CNTN4: variants seen among roughly 807,000 people sequenced by gnomAD.
CNTN4 encodes the protein contactin 4, also known as contactin-4.
Under a neutral mutation model 122.5 loss-of-function variants are expected in CNTN4, and 77 were observed. The observed-to-expected ratio is 0.63, with a 90% CI of 0.52 to 0.76. The LOEUF (loss-of-function observed/expected upper bound fraction) is 0.76. Among genes scored for constraint, CNTN4 ranks in the 30% least tolerant of loss-of-function variants. The pLI, the probability that CNTN4 is intolerant of heterozygous loss-of-function variation, is 0.00. For missense variants in CNTN4, 1,256 were observed against 1,259.1 expected (o/e 1.00, Z 0.04); for synonymous variants, 512 against 447.0 (o/e 1.15, Z -1.83).
intron 4 of CNTN4, among the ~76,000 whole-genome samples, chr3:2,625,415 G>T (rs924588913): frequency 3.9e-5 from 6 of 152,308 alleles, no homozygotes; most frequent in Admixed American, 3.3e-4. Context: ...CTTAATGACA[G>T]TTTAAGCCAA....
chr3:2,798,694 A>G (rs2092271928), intron 6 of CNTN4, among the ~76,000 whole-genome samples: 1 of 152,098 alleles, frequency 6.6e-6, no homozygotes, highest in African/African-American at 2.4e-5. Context: ...TATTTTTAGT[A>G]GAGATGCGGC....
At chr3:2,193,444 A>C (rs1404653597) in intron 2 of CNTN4, among the ~76,000 whole-genome samples, 1 of 152,140 alleles carries the variant, frequency 6.6e-6, no homozygotes, top group Non-Finnish European at 1.5e-5. Context: ...TATCACTATA[A>C]TGGAAGAAAA....
intron 7 of CNTN4, among the ~76,000 whole-genome samples, chr3:2,820,349 A>G (rs2092834744): frequency 6.6e-6 from 1 of 152,242 alleles, no homozygotes. Context: ...CCCGATAAAC[A>G]TATAGAGAGA....
intron 2 of CNTN4, among the ~76,000 whole-genome samples, chr3:2,108,387 G>C (rs773861090): frequency 2.0e-5 from 3 of 152,114 alleles, no homozygotes; most frequent in Admixed American, 6.5e-5. Context: ...TCTGTCATGA[G>C]AATGACCATC....
At chr3:2,274,507 GT>G (rs1341564467) in intron 2 of CNTN4, among the ~76,000 whole-genome samples, 1 of 118,840 alleles carries the variant, frequency 8.4e-6, no homozygotes, top group Non-Finnish European at 1.9e-5. Context: ...AAGAAACACT[GT>G]TCCTTATTTG....
chr3:2,861,543 T>C (rs891897326), intron 7 of CNTN4, among the ~76,000 whole-genome samples: 10 of 152,228 alleles, frequency 6.6e-5, no homozygotes, highest in Non-Finnish European at 1.5e-4. Context: ...AGGATACATA[T>C]TGATAAAACT....
At chr3:2,564,606 GA>G (rs1206086885) in intron 3 of CNTN4, among the ~76,000 whole-genome samples, 1 of 152,096 alleles carries the variant, frequency 6.6e-6, no homozygotes, top group African/African-American at 2.4e-5. Flanking sequence ...TTCTATTCAT[GA>G]GGAAACTTGT....
chr3:2,447,051 A>T (rs2151324597), intron 3 of CNTN4, among the ~76,000 whole-genome samples: 1 of 152,336 alleles, frequency 6.6e-6, no homozygotes, highest in African/African-American at 2.4e-5. Flanking sequence ...TTAAGAAAAA[A>T]TTATGGGAGT....
intron 4 of CNTN4, among the ~76,000 whole-genome samples, chr3:2,682,525 C>A (rs1576445662): frequency 6.6e-6 from 1 of 152,088 alleles, no homozygotes; most frequent in Admixed American, 6.6e-5. Flanking sequence ...AGTTTACAGA[C>A]CCCCACTTCA....
chr3:2,403,870 C>A (rs939287220), intron 3 of CNTN4, among the ~76,000 whole-genome samples: 2 of 152,130 alleles, frequency 1.3e-5, no homozygotes, highest in Non-Finnish European at 2.9e-5. Context: ...ACCTAGAATT[C>A]TTTCTGCTCT....
At chr3:2,590,572 C>T (rs2080423237) in intron 4 of CNTN4, among the ~76,000 whole-genome samples, 1 of 151,930 alleles carries the variant, frequency 6.6e-6, no homozygotes, top group African/African-American at 2.4e-5. Context: ...CTTTTCAAGG[C>T]ATATAATGTC....
intron 4 of CNTN4, among the ~76,000 whole-genome samples, chr3:2,716,596 A>C (rs991802141): frequency 1.3e-4 from 20 of 152,156 alleles, no homozygotes; most frequent in Middle Eastern, 3.2e-3. Context: ...TATTATTTTT[A>C]TTGGAGAAGA....
At chr3:2,230,966 C>A (rs538721549) in intron 2 of CNTN4, among the ~76,000 whole-genome samples, 1 of 151,772 alleles carries the variant, frequency 6.6e-6, no homozygotes, top group African/African-American at 2.4e-5. Context: ...CCAGCCTGGG[C>A]GACAAAGCGA....
chr3:3,027,808 A>C (rs969772517), intron 15 of CNTN4, among the ~76,000 whole-genome samples: 3 of 152,202 alleles, frequency 2.0e-5, no homozygotes, highest in Admixed American at 2.0e-4. Context: ...TTATGCCAGA[A>C]TGGTGCCAGG....
At chr3:2,237,055 G>C (rs989239635) in intron 2 of CNTN4, among the ~76,000 whole-genome samples, 9 of 152,162 alleles carry the variant, frequency 5.9e-5, no homozygotes, top group African/African-American at 1.4e-4. Context: ...ACAGTGCAGG[G>C]ATTTGTAGGC....
chr3:2,630,439 A>C (rs2082379587), intron 4 of CNTN4, among the ~76,000 whole-genome samples: 1 of 152,204 alleles, frequency 6.6e-6, no homozygotes, highest in Admixed American at 6.5e-5. Flanking sequence ...ACCCTGTCTC[A>C]AAACAAAGAA....
rs189364151 is a variant in CNTN4, at chr3:2,505,441, A to G, written c.-88-65975A>G. ...TGATCAAGTTCAAATGGAATGTTCT[A>G]TAGTCCTATCCAAACTTAATTACAT... On this transcript the variant is annotated intron_variant, in intron 3 of 24. Transcript: ENST00000418658. 7.0e-4 allele frequency among the ~76,000 whole-genome samples: 106 copies of G among 152,348 alleles called. 3 individuals are homozygous for G. In the East Asian group the frequency reaches 0.015, roughly 22 times the overall value.
intron 6 of CNTN4, among the ~76,000 whole-genome samples, chr3:2,809,104 C>G (rs1011202): frequency 0.58 from 87,530 of 152,108 alleles, 25,856 homozygotes; most frequent in African/African-American, 0.72. Flanking sequence ...TTTGGGGAGG[C>G]AATGGAGACA....
chr3:2,728,949 C>T (rs2088437795), intron 4 of CNTN4, among the ~76,000 whole-genome samples: 1 of 152,196 alleles, frequency 6.6e-6, no homozygotes, highest in Non-Finnish European at 1.5e-5. Flanking sequence ...TATGGCAGCA[C>T]TTCATACCTG....
Sources: allele counts gnomAD v4.1 joint callset (sites outside exome capture counted in the v4.1 genomes callset), GRCh38; gene constraint gnomAD v4.1.1; transcripts MANE v1.5; gene names NCBI Gene and HGNC (gene_info 2026-07-23, HGNC 2026-07-21).